CLVS2: variants seen among roughly 807,000 people sequenced by gnomAD.
The protein encoded by CLVS2 is clavesin-2.
In CLVS2, 19 loss-of-function variants were observed where a neutral mutation model predicts 29.0. The ratio of observed to expected loss-of-function variants is 0.66; its 90% CI spans 0.46 to 0.96. CLVS2 has a LOEUF of 0.96. Ranked by LOEUF, CLVS2 falls within the 40% of genes least tolerant of loss-of-function variation. The pLI is 0.00. For missense variants in CLVS2, 294 were observed against 404.1 expected (o/e 0.73, Z 2.34); for synonymous variants, 161 against 151.3 (o/e 1.06, Z -0.47).
intron 3 of CLVS2, among the ~76,000 whole-genome samples, chr6:123,038,475 CTA>C (rs758279636): frequency 3.9e-4 from 59 of 151,914 alleles, no homozygotes; most frequent in South Asian, 3.7e-3. Flanking sequence ...TGATATTTTT[CTA>C]TTATACATAT....
rs529928313 is a variant in CLVS2, at chr6:123,005,756, C to A, written c.390-5229C>A. 4.9e-3 allele frequency among the ~76,000 whole-genome samples: 747 copies of A among 152,238 alleles called. 8 individuals are homozygous for A. The highest frequency in any genetic ancestry group is 8.4e-3 in the Non-Finnish European group (572 of 68,006). On this transcript the variant is annotated intron_variant, in intron 2 of 5. Coordinates refer to ENST00000275162, the MANE Select transcript of CLVS2 (RefSeq NM_001010852.4). ...TCCTGATTGCAGGCAGGGTGCCACC[C>A]CTCCACAGTGTGGCAGGACAAGGCT...
chr6:123,053,526 A>C (rs1451866541), intron 4 of CLVS2, among the ~76,000 whole-genome samples: 1 of 152,220 alleles, frequency 6.6e-6, no homozygotes, highest in Non-Finnish European at 1.5e-5. Context: ...GGAATTGGAT[A>C]CTGAATTTAG....
Position 122,997,736 on chromosome 6 carries a change from C to A in CLVS2, c.-42C>A. On this transcript the variant is annotated 5_prime_UTR_variant, in exon 2 of 6. Coordinates refer to ENST00000275162, the MANE Select transcript of CLVS2 (RefSeq NM_001010852.4). Reference sequence around the variant, plus strand: ...AGGACCAGGTTTGCTTTGGGACAGTCAACAAGGTCTTCTGAGGGAAAGCTC... The same window carrying A: ...AGGACCAGGTTTGCTTTGGGACAGTAAACAAGGTCTTCTGAGGGAAAGCTC... The A allele has an allele frequency of 6.3e-7, 1 of 1,593,474 alleles. No homozygotes were observed. The highest frequency in any genetic ancestry group is 1.2e-5 in the South Asian group (1 of 86,868).
chr6:123,022,382 G>C (rs1218459325), intron 3 of CLVS2, among the ~76,000 whole-genome samples: 1 of 151,934 alleles, frequency 6.6e-6, no homozygotes, highest in Non-Finnish European at 1.5e-5. Context: ...TGCTTATTCA[G>C]TCTGCCATGT....
chr6:123,068,629 G>A lies in CLVS2; in HGVS notation c.*4868G>A, dbSNP rs1772896843. 6.6e-6 allele frequency: 1 copy of A among 151,496 alleles called. No individual in the cohort carries two copies. The highest frequency in any genetic ancestry group is 1.5e-5 in the Non-Finnish European group (1 of 67,668). The allele number at this position is 151,496 out of a possible 1,614,324, so 9.4% of individuals were successfully genotyped here. A position where few individuals can be genotyped will look rare whatever the true frequency, so the allele number is the denominator to read the frequency against. On this transcript the variant is annotated 3_prime_UTR_variant, in exon 6 of 6. Transcript: ENST00000275162. Reference sequence around the variant, plus strand: ...AAACCAAATAGTTTTTGTTTTCAAAGCTATCCAGGAAAAATAAAAGATGTC... The same window carrying A: ...AAACCAAATAGTTTTTGTTTTCAAAACTATCCAGGAAAAATAAAAGATGTC...
chr6:123,037,368 C>A (rs1775169532), intron 3 of CLVS2, among the ~76,000 whole-genome samples: 1 of 152,016 alleles, frequency 6.6e-6, no homozygotes, highest in Non-Finnish European at 1.5e-5. Flanking sequence ...TATAGTTAAC[C>A]CTTTGGTATG....
In CLVS2 at chr6:123,066,409, T is replaced by G. The variant is rs1772856712; in HGVS notation, c.*2648T>G. 1 of 151,340 alleles carries G rather than the reference T, an allele frequency of 6.6e-6. No homozygotes were observed. The highest frequency in any genetic ancestry group is 2.1e-4 in the South Asian group (1 of 4,814). The allele number at this position is 151,340 out of a possible 1,614,324, so 9.4% of individuals were successfully genotyped here. A position where few individuals can be genotyped will look rare whatever the true frequency, so the allele number is the denominator to read the frequency against. ...ACACACACTAACACACTAGACTGTT[T>G]GCCCTAATGAATTTTCCTCTGTACT... On this transcript the variant is annotated 3_prime_UTR_variant, in exon 6 of 6. Transcript: ENST00000275162.
chr6:123,067,150 T>C lies in CLVS2; in HGVS notation c.*3389T>C, dbSNP rs1333315977. ...CATAAGCAGGAAAGCCAAAAATTCATACATTAATACTTAGCTTTTTTAATA... is the reference window on the plus strand; with the variant it reads ...CATAAGCAGGAAAGCCAAAAATTCACACATTAATACTTAGCTTTTTTAATA... On this transcript the variant is annotated 3_prime_UTR_variant, in exon 6 of 6. Transcript: ENST00000275162. The C allele has an allele frequency of 2.0e-5, 3 of 151,776 alleles. No homozygotes were observed. The highest frequency in any genetic ancestry group is 7.2e-5 in the African/African-American group (3 of 41,400). 9.4% of individuals were successfully genotyped at this position (151,776 alleles called of 1,614,324 possible).
chr6:123,006,304 A>C lies in CLVS2; in HGVS notation c.390-4681A>C, dbSNP rs772669372. Among the ~76,000 whole-genome samples the C allele has an allele frequency of 1.3e-5, 2 of 152,198 alleles. 1 individual carries two copies. The highest frequency in any genetic ancestry group is 2.9e-5 in the Non-Finnish European group (2 of 68,022). On this transcript the variant is annotated intron_variant, in intron 2 of 5. Coordinates refer to ENST00000275162, the MANE Select transcript of CLVS2 (RefSeq NM_001010852.4). ...CTTGACAGCTGGGGTGAGCCTATGCATGGGTGTACAAAACAAGAAGTATGG... is the reference window on the plus strand; with the variant it reads ...CTTGACAGCTGGGGTGAGCCTATGCCTGGGTGTACAAAACAAGAAGTATGG...
chr6:123,050,015 A>T (rs1057495002), intron 4 of CLVS2, among the ~76,000 whole-genome samples: 1 of 152,214 alleles, frequency 6.6e-6, no homozygotes, highest in Non-Finnish European at 1.5e-5. Flanking sequence ...ACTGTAAGTG[A>T]ATTTGCGCTC....
intron 4 of CLVS2, among the ~76,000 whole-genome samples, chr6:123,049,948 T>A (rs1009193384): frequency 1.3e-5 from 2 of 152,064 alleles, no homozygotes; most frequent in African/African-American, 4.8e-5. Context: ...AAAGTATAAT[T>A]TTTAAAAAAG....
intron 3 of CLVS2, among the ~76,000 whole-genome samples, chr6:123,013,742 G>A (rs1250583673): frequency 6.6e-6 from 1 of 151,832 alleles, no homozygotes; most frequent in Non-Finnish European, 1.5e-5. Flanking sequence ...CATGTGTCAT[G>A]TTGGTGTGCT....
intron 3 of CLVS2, among the ~76,000 whole-genome samples, chr6:123,011,878 C>T (rs1270623597): frequency 6.6e-6 from 1 of 151,990 alleles, no homozygotes; most frequent in Non-Finnish European, 1.5e-5. Flanking sequence ...TGATTTTAAA[C>T]TTCTAAAAAT....
In CLVS2 at chr6:123,068,329, T is replaced by C. The variant is rs540250698; in HGVS notation, c.*4568T>C. ...AATTTAGAAGAGTTTTGTCATTATT[T>C]GACTTAGATTTAAGTCTCAGTGCAA... On this transcript the variant is annotated 3_prime_UTR_variant, in exon 6 of 6. Transcript: ENST00000275162. 2 of 151,804 alleles carry C rather than the reference T, an allele frequency of 1.3e-5. No homozygotes were observed. The highest frequency in any genetic ancestry group is 4.1e-4 in the South Asian group (2 of 4,830). 9.4% of individuals were successfully genotyped at this position (151,804 alleles called of 1,614,324 possible).
intron 3 of CLVS2, among the ~76,000 whole-genome samples, chr6:123,043,441 G>A (rs932201920): frequency 5.3e-5 from 8 of 152,046 alleles, no homozygotes; most frequent in African/African-American, 1.9e-4. Context: ...TAGGTGCTGG[G>A]CGCTACACCT....
Position 122,997,574 on chromosome 6 carries a change from A to AC in CLVS2, c.-198dup, listed in dbSNP as rs1171948546. ...TTAGGGGGCAGAGGAAGAAGTTTAC[A>AC]CCCCCCGGCCCCCCCAGCTTTGCTG... On this transcript the variant is annotated 5_prime_UTR_variant, in exon 2 of 6. The change abolishes the stop of an existing upstream ORF in the 5' untranslated region. Transcript: ENST00000275162. 4 of 607,072 alleles carry AC rather than the reference A, an allele frequency of 6.6e-6. No individual in the cohort carries two copies. Among genetic ancestry groups the AC allele is most frequent in the African/African-American group, 3.7e-5 (2 of 53,652 alleles). 37.6% of individuals were successfully genotyped at this position (607,072 alleles called of 1,614,324 possible).
intron 3 of CLVS2, among the ~76,000 whole-genome samples, chr6:123,017,084 GTGTA>G (rs900918630): frequency 1.3e-4 from 11 of 86,006 alleles, no homozygotes; most frequent in Non-Finnish European, 1.8e-4. Context: ...AATTGCATGT[GTGTA>G]TGTGTGTGTG....
At chr6:123,015,327 C>A (rs1397244093) in intron 3 of CLVS2, among the ~76,000 whole-genome samples, 1 of 152,016 alleles carries the variant, frequency 6.6e-6, no homozygotes, top group African/African-American at 2.4e-5. Flanking sequence ...GATTTGGAAA[C>A]ATCCTTTGGA....
intron 3 of CLVS2, among the ~76,000 whole-genome samples, chr6:123,029,605 A>G (rs1775053687): frequency 6.6e-6 from 1 of 152,210 alleles, no homozygotes; most frequent in Non-Finnish European, 1.5e-5. Context: ...GTTGAAACAA[A>G]ATAGTAGAAG....
Sources: allele counts gnomAD v4.1 joint callset (sites outside exome capture counted in the v4.1 genomes callset), GRCh38; gene constraint gnomAD v4.1.1; transcripts MANE v1.5; gene names NCBI Gene and HGNC (gene_info 2026-07-23, HGNC 2026-07-21).